The following CREB5 variants were observed in gnomAD, a reference collection of about 807,000 sequenced individuals.
CREB5 encodes the protein cyclic AMP-responsive element-binding protein 5.
Under a neutral mutation model 57.1 loss-of-function variants are expected in CREB5, and 19 were observed. The observed-to-expected ratio is 0.33, with a 90% CI of 0.23 to 0.49. The LOEUF (loss-of-function observed/expected upper bound fraction) is 0.49. Ranked by LOEUF, CREB5 falls within the 20% of genes least tolerant of loss-of-function variation. CREB5 has a pLI of 0.99. For missense variants in CREB5, 579 were observed against 671.6 expected (o/e 0.86, Z 1.52); for synonymous variants, 238 against 238.3 (o/e 1.00, Z 0.01).
chr7:28,304,493 T>C (rs1348738543), intron 1 of CREB5, among the ~76,000 whole-genome samples: 1 of 152,200 alleles, frequency 6.6e-6, no homozygotes, highest in Non-Finnish European at 1.5e-5. Flanking sequence ...AAAAGCACTT[T>C]CTTAGCCTGC....
chr7:28,737,558 T>TATATATATATAC (rs1804076494), intron 7 of CREB5, among the ~76,000 whole-genome samples: 1 of 82,770 alleles, frequency 1.2e-5, no homozygotes, highest in Non-Finnish European at 2.5e-5. Context: ...TATATATATA[T>TATATATATATAC]ATATATATAT....
At chr7:28,704,800 T>C (rs532230942) in intron 5 of CREB5, among the ~76,000 whole-genome samples, 2 of 152,210 alleles carry the variant, frequency 1.3e-5, no homozygotes, top group African/African-American at 4.8e-5. Context: ...AACTTTAGGG[T>C]TGAAAAGGCC....
At chr7:28,593,576 G>T (rs1178658158) in intron 5 of CREB5, among the ~76,000 whole-genome samples, 2 of 152,188 alleles carry the variant, frequency 1.3e-5, no homozygotes, top group African/African-American at 4.8e-5. Context: ...ACACATAGAA[G>T]ATGCCTCCAG....
intron 5 of CREB5, among the ~76,000 whole-genome samples, chr7:28,670,648 T>C (rs1352185732): frequency 6.6e-6 from 1 of 152,182 alleles, no homozygotes; most frequent in Non-Finnish European, 1.5e-5. Flanking sequence ...TTGTCTTAAG[T>C]TTGTCTTTAA....
At chr7:28,608,996 T>C (rs1236902484) in intron 5 of CREB5, 1 of 152,184 alleles carries the variant, frequency 6.6e-6, no homozygotes, top group Non-Finnish European at 1.5e-5. Flanking sequence ...TATATCACGG[T>C]ATATCTGTAG....
rs576892344 is a variant in CREB5 at position 28,402,615 on chromosome 7, G to A, written c.-24-92291G>A. On this transcript the variant is annotated intron_variant, in intron 1 of 9. Transcript: ENST00000396299. Reference sequence around the variant, plus strand: ...ATAAATGGTGCTGGGAAAACTGGCTGGCCATATGTAGAAAGCTGAAACTGG... The same window carrying A: ...ATAAATGGTGCTGGGAAAACTGGCTAGCCATATGTAGAAAGCTGAAACTGG... Among the ~76,000 whole-genome samples the A allele has an allele frequency of 2.1e-3, 327 of 152,184 alleles. 3 individuals carry two copies. The highest frequency in any genetic ancestry group is 7.4e-3 in the African/African-American group (306 of 41,524).
At chr7:28,742,975 G>A (rs1342223882) in intron 7 of CREB5, among the ~76,000 whole-genome samples, 1 of 152,052 alleles carries the variant, frequency 6.6e-6, no homozygotes, top group Non-Finnish European at 1.5e-5. Flanking sequence ...GTAGAAATAG[G>A]GTTTCACCAT....
At chr7:28,691,914 A>T (rs1306221492) in intron 5 of CREB5, among the ~76,000 whole-genome samples, 1 of 150,860 alleles carries the variant, frequency 6.6e-6, no homozygotes, top group Non-Finnish European at 1.5e-5. Context: ...CACACCTGTA[A>T]TCCCAGCACT....
intron 1 of CREB5, among the ~76,000 whole-genome samples, chr7:28,354,867 A>G (rs1786308783): frequency 6.6e-6 from 1 of 152,172 alleles, no homozygotes; most frequent in African/African-American, 2.4e-5. Flanking sequence ...TGACATCTGG[A>G]CCCATCTTTT....
rs149958357 is a variant in CREB5, at chr7:28,670,128, C to T, written c.465-48625C>T. ...CAAGACCCCCAGTGGATGCCTGAAC[C>T]TGTGATCATACCGAACCCTCTATAT... On this transcript the variant is annotated intron_variant, in intron 5 of 10. Coordinates refer to ENST00000357727, the MANE Select transcript of CREB5 (RefSeq NM_182898.4). 1.7e-3 allele frequency among the ~76,000 whole-genome samples: 266 copies of T among 152,346 alleles called. 2 individuals carry two copies. Among genetic ancestry groups the T allele is most frequent in the African/African-American group, 6.0e-3 (250 of 41,580 alleles).
intron 5 of CREB5, among the ~76,000 whole-genome samples, chr7:28,678,315 G>A (rs1800417868): frequency 6.6e-6 from 1 of 151,930 alleles, no homozygotes; most frequent in Admixed American, 6.5e-5. Flanking sequence ...TTGAACCCCG[G>A]AGGTGGAGGT....
intron 7 of CREB5, among the ~76,000 whole-genome samples, chr7:28,737,922 T>TTTCTAAAATA (rs1804121046): frequency 1.3e-5 from 2 of 152,168 alleles, no homozygotes; most frequent in East Asian, 3.9e-4. Flanking sequence ...TTTTTACAAA[T>TTTCTAAAATA]AGTTCAAAAT....
intron 5 of CREB5, among the ~76,000 whole-genome samples, chr7:28,587,177 C>G (rs1796334885): frequency 6.6e-6 from 1 of 151,980 alleles, no homozygotes; most frequent in South Asian, 2.1e-4. Flanking sequence ...TACAGTACAA[C>G]AAGATTAAAA....
At chr7:28,423,937 C>G (rs553814820) in intron 1 of CREB5, among the ~76,000 whole-genome samples, 1 of 152,156 alleles carries the variant, frequency 6.6e-6, no homozygotes, top group African/African-American at 2.4e-5. Context: ...AGCAAAGTAG[C>G]ACAAACTCGG....
intron 1 of CREB5, among the ~76,000 whole-genome samples, chr7:28,340,220 A>G (rs996593389): frequency 9.2e-5 from 14 of 151,560 alleles, no homozygotes; most frequent in African/African-American, 3.4e-4. Flanking sequence ...CTCTCCTCAT[A>G]GCCACCACAG....
chr7:28,681,008 A>G (rs1032355835), intron 5 of CREB5, among the ~76,000 whole-genome samples: 1 of 152,176 alleles, frequency 6.6e-6, no homozygotes, highest in African/African-American at 2.4e-5. Flanking sequence ...TGCCTCATGT[A>G]GGAAGCTGGT....
chr7:28,567,341 A>G (rs544219965), intron 4 of CREB5, among the ~76,000 whole-genome samples: 21 of 152,348 alleles, frequency 1.4e-4, no homozygotes, highest in African/African-American at 4.8e-4. Context: ...TGCAAGATGA[A>G]CAGACAGGAC....
intron 1 of CREB5, among the ~76,000 whole-genome samples, chr7:28,445,691 A>G (rs1203899283): frequency 6.6e-6 from 1 of 151,948 alleles, no homozygotes; most frequent in Non-Finnish European, 1.5e-5. Flanking sequence ...AGCTGGGACT[A>G]CAGGCGCCCG....
At chr7:28,626,503 G>A (rs907131158) in intron 5 of CREB5, among the ~76,000 whole-genome samples, 2 of 152,222 alleles carry the variant, frequency 1.3e-5, no homozygotes, top group African/African-American at 4.8e-5. Context: ...TAACCTGCCC[G>A]TAGCTAAGGA....
Sources: gnomAD v4.1 joint callset for allele counts (sites outside exome capture counted in the v4.1 genomes callset) on GRCh38, gnomAD v4.1.1 for gene constraint, MANE v1.5 for transcripts, NCBI Gene and HGNC (gene_info 2026-07-23, HGNC 2026-07-21) for gene names.